FADS3: variants seen among roughly 807,000 people sequenced by gnomAD.
FADS3 encodes cytochrome b5-related protein.
In FADS3, 30 loss-of-function variants were observed where a neutral mutation model predicts 60.4. That is an observed-to-expected ratio of 0.50 (90% CI 0.37 to 0.67). FADS3 has a LOEUF of 0.67. Ranked by LOEUF, FADS3 falls within the 30% of genes least tolerant of loss-of-function variation. FADS3 has a pLI of 0.00. For synonymous variants in FADS3, 234 were observed against 249.3 expected (o/e 0.94, Z 0.58); for missense variants, 432 against 598.3 (o/e 0.72, Z 2.90).
At position 61,880,626 on chromosome 11, in the gene FADS3, C is replaced by T. The variant is rs374295565; in HGVS notation, c.214-475G>A. 32 of 153,682 alleles carry T rather than the reference C, an allele frequency of 2.1e-4. No homozygotes were observed. The South Asian group carries it at 4.5e-3, about 22-fold the overall frequency. 9.5% of individuals were successfully genotyped at this position (153,682 alleles called of 1,614,324 possible). The stretch of plus-strand genomic sequence containing the variant: ...GGTGGGAAAACCTGGAACTGAGGAC[C>T]ACTGGGTCACGGGGCGGGGGGATCA... On this transcript the variant is annotated intron_variant, in intron 1 of 11. Transcript: ENST00000278829.
Position 61,873,802 on chromosome 11 carries a change from TG to T in FADS3, c.*11del. The T allele has an allele frequency of 1.2e-6, 2 of 1,601,176 alleles. No individual in the cohort carries two copies. Among genetic ancestry groups the T allele is most frequent in the East Asian group, 4.5e-5 (2 of 44,106 alleles). On this transcript the variant is annotated 3_prime_UTR_variant, in exon 12 of 12. Transcript: ENST00000278829. ...TGCCCTGAGCCCTTCTCTGCCCGCCTGGGTGTTGCCTTCACTGATGGAGGTA... is the reference window on the plus strand; with the variant it reads ...TGCCCTGAGCCCTTCTCTGCCCGCCTGGTGTTGCCTTCACTGATGGAGGTA...
At chr11:61,875,404 T>G (rs1294164206) in intron 11 of FADS3, among the ~76,000 whole-genome samples, 7 of 139,298 alleles carry the variant, frequency 5.0e-5, no homozygotes, top group African/African-American at 1.8e-4. Context: ...TTTTTTTTTT[T>G]TTTTTTTTAG....
In FADS3 at chr11:61,876,388, C is replaced by T. The variant is rs1380528702; in HGVS notation, c.1051G>A (p.Glu351Lys). The change falls in exon 9 of 12, where the codon GAG becomes AAG. Residue 351 changes from glutamate (E) to lysine (K), a missense_variant. Coordinates refer to ENST00000278829, the MANE Select transcript of FADS3 (RefSeq NM_021727.5). This position sits in a 1 kb window ranked among gnomAD's most constrained non-coding sequence, Gnocchi z 5.7. ...MNHIPKEIGH[E>K]KHRDWVSSQL... is the part of the protein sequence containing the mutation. ...GAGCTGACCCAGTCCCGGTGCTTCT[C>T]GTGGCCGATCTCCTTGGGGATGTGG... 1 of 1,613,270 alleles carries T rather than the reference C, an allele frequency of 6.2e-7. No individual in the cohort carries two copies. The highest frequency in any genetic ancestry group is 8.5e-7 in the Non-Finnish European group (1 of 1,180,038).
intron 1 of FADS3, chr11:61,880,740 G>A (rs1938099867): frequency 1.5e-5 from 2 of 132,492 alleles, no homozygotes; most frequent in Admixed American, 7.5e-5. Flanking sequence ...GCAGGAAGCA[G>A]GAGCACAAAA....
Position 61,877,440 on chromosome 11 carries a change from GT to G in FADS3, c.885+70del. On this transcript the variant is annotated intron_variant, in intron 7 of 11. Coordinates refer to ENST00000278829, the MANE Select transcript of FADS3 (RefSeq NM_021727.5). The surrounding 1 kb of genome is among the most constrained non-coding windows in gnomAD (Gnocchi z 4.7). The stretch of plus-strand genomic sequence containing the variant: ...GCACCCTGTTTGCCTTCATGGGCAG[GT>G]ACTGTCCCCCGAGGCACCACCTCCT... The G allele has an allele frequency of 6.9e-7, 1 of 1,450,268 alleles. No homozygotes were observed. The highest frequency in any genetic ancestry group is 9.6e-7 in the Non-Finnish European group (1 of 1,040,994). 89.8% of individuals were successfully genotyped at this position (1,450,268 alleles called of 1,614,324 possible). A position where few individuals can be genotyped will look rare whatever the true frequency, so the allele number is the denominator to read the frequency against.
intron 11 of FADS3, among the ~76,000 whole-genome samples, chr11:61,875,379 GTTTTTTTTTTTTTTTTT>G (rs58200660): frequency 4.7e-5 from 6 of 128,496 alleles, no homozygotes; most frequent in African/African-American, 1.7e-4. Flanking sequence ...GCTAATTTTT[GTTTTTTTTTTTTTTTTT>G]TTTTTTTTTT....
At chr11:61,890,979 A>G (rs1938484720) in intron 1 of FADS3, among the ~76,000 whole-genome samples, 190 bp downstream of exon 1, 1 of 152,158 alleles carries the variant, frequency 6.6e-6, no homozygotes, top group Non-Finnish European at 1.5e-5. Flanking sequence ...TCCTCCACGC[A>G]GGGAACTGCC....
At chr11:61,878,696 G>C (rs1221754789) in intron 4 of FADS3, 50 bp downstream of exon 4, 2 of 1,612,090 alleles carry the variant, frequency 1.2e-6, no homozygotes, top group Admixed American at 3.3e-5. Context: ...ACACACTTGG[G>C]CAGACCCAGC....
chr11:61,876,925 G>A lies in FADS3; in HGVS notation c.924C>T (p.Phe308=), dbSNP rs776961045. 6.8e-6 allele frequency: 11 copies of A among 1,609,692 alleles called. No homozygotes were observed. In the South Asian group the frequency reaches 7.8e-5, roughly 11 times the overall value. Residue 308 remains phenylalanine (F), a synonymous_variant, in exon 8 of 12, where the codon TTC becomes TTT. Coordinates refer to ENST00000278829, the MANE Select transcript of FADS3 (RefSeq NM_021727.5). The surrounding 1 kb of genome is among the most constrained non-coding windows in gnomAD (Gnocchi z 5.7). Reference sequence around the variant, plus strand: ...CGCCGTAGAAGGGGAGGTAGGATAAGAAGAAGCGGGCATAGAAGCTGGCGG... The same window carrying A: ...CGCCGTAGAAGGGGAGGTAGGATAAAAAGAAGCGGGCATAGAAGCTGGCGG... The part of the protein sequence containing the change: ...LWAASFYARF[F]LSYLPFYGVP...
intron 1 of FADS3, among the ~76,000 whole-genome samples, chr11:61,883,022 G>A (rs1393787141): frequency 6.6e-6 from 1 of 152,082 alleles, no homozygotes; most frequent in Admixed American, 6.6e-5. Flanking sequence ...AAGCCACCAC[G>A]CCCAGCCAAT....
chr11:61,887,368 T>C (rs1329719269), intron 1 of FADS3, among the ~76,000 whole-genome samples: 1 of 152,236 alleles, frequency 6.6e-6, no homozygotes, highest in East Asian at 1.9e-4. Context: ...CAGGTCTCCA[T>C]CCTCCCTTCT....
chr11:61,878,343 T>C, intron 5 of FADS3, 128 bp from the exon 6 acceptor site: 1 of 1,359,148 alleles, frequency 7.4e-7, no homozygotes, highest in African/African-American at 1.4e-5. Context: ...GGGCTGGTCG[T>C]CCCCAGCAGG....
At chr11:61,888,982 G>A (rs1329917797) in intron 1 of FADS3, among the ~76,000 whole-genome samples, 7 of 152,162 alleles carry the variant, frequency 4.6e-5, no homozygotes, top group African/African-American at 9.7e-5. Context: ...CGGAACCTCC[G>A]TCTCCTGGGT....
chr11:61,877,769 C>T lies in FADS3; in HGVS notation c.809-182G>A, dbSNP rs1453740829. Reference sequence around the variant, plus strand: ...CCAAGCCTCCCCAGGCTGCCCTTACCCCACCACCTCCCACCACCCTTCACC... The same window carrying T: ...CCAAGCCTCCCCAGGCTGCCCTTACTCCACCACCTCCCACCACCCTTCACC... On this transcript the variant is annotated intron_variant, in intron 6 of 11. Transcript: ENST00000278829. The surrounding 1 kb of genome is among the most constrained non-coding windows in gnomAD (Gnocchi z 4.7). The T allele has an allele frequency of 3.3e-6, 2 of 613,046 alleles. No individual in the cohort carries two copies. The highest frequency in any genetic ancestry group is 2.7e-5 in the Admixed American group (1 of 36,560). The allele number at this position is 613,046 out of a possible 1,614,324, so 38.0% of individuals were successfully genotyped here.
At chr11:61,890,959 C>G (rs1267951992) in intron 1 of FADS3, among the ~76,000 whole-genome samples, 4 of 152,224 alleles carry the variant, frequency 2.6e-5, no homozygotes, top group Non-Finnish European at 5.9e-5. Flanking sequence ...GCTCCGTGGA[C>G]AGCTGCGGGT....
rs570669390 is a variant in FADS3, at chr11:61,876,797, A to C, written c.983+69T>G. 1.8e-3 allele frequency: 2,240 copies of C among 1,216,842 alleles called. 6 individuals carry two copies. Among genetic ancestry groups the C allele is most frequent in the Non-Finnish European group, 2.4e-3 (2,006 of 841,974 alleles). The allele number at this position is 1,216,842 out of a possible 1,614,324, so 75.4% of individuals were successfully genotyped here. A position where few individuals can be genotyped will look rare whatever the true frequency, so the allele number is the denominator to read the frequency against. ...CCCATTCTGCAGACGGGAAAAGGGAAGCTCTGGTGGGGGGCTGCAGTGGGG... is the reference window on the plus strand; with the variant it reads ...CCCATTCTGCAGACGGGAAAAGGGACGCTCTGGTGGGGGGCTGCAGTGGGG... On this transcript the variant is annotated intron_variant, in intron 8 of 11. Coordinates refer to ENST00000278829, the MANE Select transcript of FADS3 (RefSeq NM_021727.5). This position sits in a 1 kb window ranked among gnomAD's most constrained non-coding sequence, Gnocchi z 5.7.
At chr11:61,875,678 G>A (rs1428887453) in intron 11 of FADS3, among the ~76,000 whole-genome samples, 173 bp downstream of exon 11, 1 of 152,228 alleles carries the variant, frequency 6.6e-6, no homozygotes, top group African/African-American at 2.4e-5. Flanking sequence ...TCTGCAGTAG[G>A]TGCTCCAGAA....
chr11:61,878,617 C>A lies in FADS3; in HGVS notation c.642G>T (p.Trp214Cys), dbSNP rs984478849. ...MGQLKGFSAH[W>C]WNFRHFQHHA... ...GGTGCTGGAAGTGGCGGAAGTTCCACCAGTGGGCGGAGAAGCCCTGTGGAG... is the reference window on the plus strand; with the variant it reads ...GGTGCTGGAAGTGGCGGAAGTTCCAACAGTGGGCGGAGAAGCCCTGTGGAG... The change falls in exon 5 of 12, where the codon TGG becomes TGT. Residue 214 changes from tryptophan to cysteine, a missense_variant. Around this residue, in one of 5 missense-constraint regions of FADS3, gnomAD observed 116 missense variants for 208.9 expected, o/e 0.56. Transcript: ENST00000278829. The A allele has an allele frequency of 6.2e-7, 1 of 1,614,132 alleles. No homozygotes were observed. The highest frequency in any genetic ancestry group is 8.5e-7 in the Non-Finnish European group (1 of 1,179,998).
intron 2 of FADS3, 51 bp downstream of exon 2, chr11:61,879,990 C>A: frequency 6.8e-7 from 1 of 1,467,692 alleles, no homozygotes; most frequent in South Asian, 1.2e-5. Context: ...CCCAGCCCTC[C>A]AGCCATCCCC....
Sources: allele counts gnomAD v4.1 joint callset (sites outside exome capture counted in the v4.1 genomes callset), GRCh38; gene constraint gnomAD v4.1.1; regional missense constraint gnomAD v4.1.1; non-coding constraint Gnocchi (gnomAD v3.1); transcripts MANE v1.5; gene names NCBI Gene and HGNC (gene_info 2026-07-23, HGNC 2026-07-21).